The following IKZF1 variants were observed in gnomAD, a reference collection of about 807,000 sequenced individuals.
IKZF1 encodes IKAROS family zinc finger 1.
Under a neutral mutation model 51.7 loss-of-function variants are expected in IKZF1, and 10 were observed. The ratio of observed to expected loss-of-function variants is 0.19; its 90% CI spans 0.12 to 0.33. The LOEUF is 0.33. Among genes scored for constraint, IKZF1 ranks in the 10% least tolerant of loss-of-function variants. IKZF1 has a pLI of 1.00. For synonymous variants in IKZF1, 280 were observed against 282.3 expected (o/e 0.99, Z 0.08); for missense variants, 484 against 707.5 (o/e 0.68, Z 3.58).
At chr7:50,321,767 G>A (rs958939851) in intron 2 of IKZF1, among the ~76,000 whole-genome samples, 1 of 152,040 alleles carries the variant, frequency 6.6e-6, no homozygotes, top group Non-Finnish European at 1.5e-5. Context: ...ACTAACAAAA[G>A]CCTGATTCTC....
chr7:50,371,330 A>C (rs1808608463), intron 3 of IKZF1, among the ~76,000 whole-genome samples: 1 of 152,124 alleles, frequency 6.6e-6, no homozygotes, highest in African/African-American at 2.4e-5. Flanking sequence ...CTTCAGGAGG[A>C]TGGATTTCAA....
intron 1 of IKZF1, among the ~76,000 whole-genome samples, chr7:50,306,986 G>A (rs1788968717): frequency 1.3e-5 from 2 of 152,186 alleles, no homozygotes; most frequent in Non-Finnish European, 2.9e-5. Flanking sequence ...ATGCACATAT[G>A]CACACAGAGC....
At chr7:50,348,539 G>T (rs749409348) in intron 3 of IKZF1, among the ~76,000 whole-genome samples, 32 of 152,174 alleles carry the variant, frequency 2.1e-4, no homozygotes, top group Admixed American at 1.4e-3. Flanking sequence ...GAACATAGTG[G>T]TTTTCAGACC....
chr7:50,321,290 A>G (rs182223484), intron 2 of IKZF1, among the ~76,000 whole-genome samples: 183 of 152,326 alleles, frequency 1.2e-3, no homozygotes, highest in African/African-American at 4.3e-3. Context: ...AAGCACAAAA[A>G]CAAAAAACGA....
intron 2 of IKZF1, among the ~76,000 whole-genome samples, chr7:50,324,896 G>T (rs572142716): frequency 6.6e-6 from 1 of 152,052 alleles, no homozygotes; most frequent in Non-Finnish European, 1.5e-5. Context: ...TGCATCTAAG[G>T]GTGTCTCAGA....
At chr7:50,319,436 A>G (rs1021220590) in intron 2 of IKZF1, among the ~76,000 whole-genome samples, 2 of 152,154 alleles carry the variant, frequency 1.3e-5, no homozygotes, top group African/African-American at 4.8e-5. Context: ...AAAGAGAGAG[A>G]GAGAGAGAAG....
At chr7:50,310,620 C>T (rs541014701) in intron 1 of IKZF1, among the ~76,000 whole-genome samples, 2 of 152,250 alleles carry the variant, frequency 1.3e-5, no homozygotes, top group South Asian at 2.1e-4. Flanking sequence ...ATGGACCTTA[C>T]GATGTGATGA....
chr7:50,369,655 C>T (rs969283332), intron 3 of IKZF1: 1 of 398,326 alleles, frequency 2.5e-6, no homozygotes, highest in East Asian at 3.6e-5. Flanking sequence ...CCCCTTTGCC[C>T]TCAACACCTC....
intron 3 of IKZF1, among the ~76,000 whole-genome samples, chr7:50,356,535 G>C (rs1803431955): frequency 6.6e-6 from 1 of 152,146 alleles, no homozygotes; most frequent in South Asian, 2.1e-4. Flanking sequence ...TGTGTCTGTG[G>C]GGTGTGTCTG....
intron 4 of IKZF1, 60 bp from the exon 5 acceptor site, chr7:50,382,480 A>G (rs1584924398): frequency 2.0e-6 from 3 of 1,536,122 alleles, no homozygotes; most frequent in Admixed American, 1.9e-5. Flanking sequence ...TTCTCGTAGC[A>G]TCGTCCTCAT....
At chr7:50,328,100 C>T (rs992662002) in intron 3 of IKZF1, 12 of 191,282 alleles carry the variant, frequency 6.3e-5, no homozygotes, top group African/African-American at 1.6e-4. Flanking sequence ...TACACACTTA[C>T]GTGTTTTGGC....
chr7:50,337,057 G>A (rs928881024), intron 3 of IKZF1, among the ~76,000 whole-genome samples: 1 of 152,100 alleles, frequency 6.6e-6, no homozygotes, highest in South Asian at 2.1e-4. Flanking sequence ...GGGGGTTGGC[G>A]GTGGGTTTCC....
chr7:50,392,970 A>G (rs1222934760), intron 7 of IKZF1, among the ~76,000 whole-genome samples: 1 of 152,246 alleles, frequency 6.6e-6, no homozygotes, highest in African/African-American at 2.4e-5. Context: ...CAGCTCTGCC[A>G]CAGGATGAAT....
chr7:50,369,713 C>A, intron 3 of IKZF1: 1 of 396,626 alleles, frequency 2.5e-6, no homozygotes, highest in Non-Finnish European at 4.4e-6. Context: ...CCTCTACTGT[C>A]CTTATTCCAG....
At chr7:50,369,769 T>C (rs1354404879) in intron 3 of IKZF1, 2 of 393,126 alleles carry the variant, frequency 5.1e-6, no homozygotes, top group Admixed American at 8.9e-5. Context: ...TATTGCTCTT[T>C]TTTTTATTCT....
chr7:50,372,345 C>T (rs1264109505), intron 3 of IKZF1, among the ~76,000 whole-genome samples: 1 of 152,182 alleles, frequency 6.6e-6, no homozygotes, highest in African/African-American at 2.4e-5. Flanking sequence ...CCACTCTGTT[C>T]CCTTCCCACC....
Position 50,334,539 on chromosome 7 carries a change from A to C in IKZF1, c.160+6782A>C, listed in dbSNP as rs1189985210. On this transcript the variant is annotated intron_variant, in intron 3 of 7. Coordinates refer to ENST00000331340, the MANE Select transcript of IKZF1 (RefSeq NM_006060.6). ...GTGTGTGTGTGTATGTGTAGTGTAT[A>C]TGTGTATGCTGTGTATATGTATATG... Among the ~76,000 whole-genome samples, 5 of 148,260 alleles carry C rather than the reference A, an allele frequency of 3.4e-5. No homozygotes were observed. In the East Asian group the frequency reaches 1.0e-3, roughly 31 times the overall value.
chr7:50,325,255 A>C (rs373013295), intron 2 of IKZF1, among the ~76,000 whole-genome samples: 6,968 of 51,506 alleles, frequency 0.14, no homozygotes, highest in Admixed American at 0.16. Flanking sequence ...CCCCACACCC[A>C]CCCCCCAACC....
intron 3 of IKZF1, among the ~76,000 whole-genome samples, chr7:50,375,961 A>C (rs1810163681): frequency 6.6e-6 from 1 of 152,174 alleles, no homozygotes; most frequent in Non-Finnish European, 1.5e-5. Flanking sequence ...TGTGGTCAGA[A>C]CTCTGAGCAT....
Sources: allele counts gnomAD v4.1 joint callset (sites outside exome capture counted in the v4.1 genomes callset), GRCh38; gene constraint gnomAD v4.1.1; transcripts MANE v1.5; gene names NCBI Gene and HGNC (gene_info 2026-07-23, HGNC 2026-07-21).